The following DENND11 variants were observed in gnomAD, a reference collection of about 807,000 sequenced individuals.
DENND11 encodes the protein DENN domain-containing protein 11.
In DENND11, 34 loss-of-function variants were observed where a neutral mutation model predicts 49.2. The ratio of observed to expected loss-of-function variants is 0.69; its 90% confidence interval spans 0.53 to 0.92. DENND11 has a LOEUF of 0.92. Ranked by LOEUF, DENND11 falls within the 40% of genes least tolerant of loss-of-function variation. The pLI is 0.00. For missense variants in DENND11, 475 were observed against 581.6 expected, an observed-to-expected ratio of 0.82 and a Z score of 1.88; for synonymous variants, 238 against 230.3, an observed-to-expected ratio of 1.03 and a Z score of -0.30.
At chr7:141,689,133 AT>A (rs1404268149) in intron 1 of DENND11, among the ~76,000 whole-genome samples, 1 of 152,234 alleles carries the variant, frequency 6.6e-6, no homozygotes, top group Non-Finnish European at 1.5e-5. Flanking sequence ...GAAGTATAGC[AT>A]AAGTATAGAA....
intron 1 of DENND11, among the ~76,000 whole-genome samples, chr7:141,701,047 A>G (rs1798502892): frequency 6.6e-6 from 1 of 152,020 alleles, no homozygotes; most frequent in South Asian, 2.1e-4. Context: ...AGAAGTCCCT[A>G]GCTGACCCTC....
Position 141,664,982 on chromosome 7 carries a change from G to C in DENND11, c.1025C>G (p.Thr342Arg). The C allele has an allele frequency of 6.2e-7, 1 of 1,613,860 alleles. No homozygotes were observed. Among genetic ancestry groups the C allele is most frequent in the Non-Finnish European group, 8.5e-7 (1 of 1,179,840 alleles). Residue 342 changes from threonine (T) to arginine (R), a missense_variant, in exon 7 of 9, where the codon ACA becomes AGA. By Grantham distance (71) the Thr-to-Arg change is moderately conservative. Coordinates refer to ENST00000536163, the MANE Select transcript of DENND11 (RefSeq NM_001080392.2). ...DVYVDNQNVK[T>R]HHDHLQPLLK... ...CAGCGGCTGCAGGTGGTCGTGGTGT[G>C]TCTTCACATTCTGGTTATCCACGTA...
chr7:141,685,390 C>T, intron 3 of DENND11, 88 bp downstream of exon 3: 1 of 1,471,200 alleles, frequency 6.8e-7, no homozygotes, highest in Non-Finnish European at 9.3e-7. Context: ...GCTGCTCTGG[C>T]ACGCAAATGC....
In DENND11 at chr7:141,662,607, G is replaced by A. The variant is rs763302760; in HGVS notation, c.*49C>T. ...CCTCTGGGGCCCTGGGGTGAACTCC[G>A]GGCTGCTGACATCCCACGTGAAGTG... On this transcript the variant is annotated 3_prime_UTR_variant, in exon 9 of 9. Transcript: ENST00000536163. 89 of 1,419,852 alleles carry A rather than the reference G, an allele frequency of 6.3e-5. No individual in the cohort carries two copies. The highest frequency in any genetic ancestry group is 2.2e-4 in the South Asian group (15 of 66,680). The allele number at this position is 1,419,852 out of a possible 1,614,324, so 88.0% of individuals were successfully genotyped here.
At chr7:141,696,100 G>A (rs1218285660) in intron 1 of DENND11, among the ~76,000 whole-genome samples, 3 of 152,166 alleles carry the variant, frequency 2.0e-5, no homozygotes, top group Non-Finnish European at 4.4e-5. Context: ...GGTCAGTGTC[G>A]CGCCTGGCTG....
At chr7:141,692,914 G>A (rs1197398442) in intron 1 of DENND11, among the ~76,000 whole-genome samples, 1 of 152,150 alleles carries the variant, frequency 6.6e-6, no homozygotes, top group African/African-American at 2.4e-5. Context: ...ATTTCTAGAA[G>A]ATAACACAGG....
intron 1 of DENND11, among the ~76,000 whole-genome samples, chr7:141,698,701 G>C (rs1329885504): frequency 2.0e-5 from 3 of 152,110 alleles, no homozygotes; most frequent in Non-Finnish European, 4.4e-5. Context: ...ACACCTTAGA[G>C]AATCACTGCA....
At chr7:141,697,606 A>G (rs1288407348) in intron 1 of DENND11, among the ~76,000 whole-genome samples, 8 of 152,122 alleles carry the variant, frequency 5.3e-5, no homozygotes, top group Non-Finnish European at 1.2e-4. Flanking sequence ...TTCCATTCAC[A>G]TTCTACTTTG....
intron 3 of DENND11, among the ~76,000 whole-genome samples, chr7:141,682,188 G>A (rs1365030580): frequency 6.6e-6 from 1 of 152,166 alleles, no homozygotes; most frequent in East Asian, 1.9e-4. Context: ...GCACTACAGA[G>A]AAATCCTAGA....
intron 2 of DENND11, 127 bp downstream of exon 2, chr7:141,686,432 A>G: frequency 1.5e-6 from 1 of 647,042 alleles, no homozygotes; most frequent in Non-Finnish European, 2.8e-6. Context: ...ACACAAAACT[A>G]TCCATGTATT....
intron 1 of DENND11, among the ~76,000 whole-genome samples, chr7:141,693,280 G>T (rs1482376686): frequency 1.3e-5 from 2 of 152,118 alleles, no homozygotes; most frequent in Non-Finnish European, 2.9e-5. Flanking sequence ...TGCTCATTAC[G>T]CAATTGCAAA....
At chr7:141,700,984 T>A (rs564021740) in intron 1 of DENND11, among the ~76,000 whole-genome samples, 13 of 152,174 alleles carry the variant, frequency 8.5e-5, no homozygotes, top group African/African-American at 2.9e-4. Context: ...CCACGACTCC[T>A]GCGATGACAC....
chr7:141,689,299 G>A (rs1479865213), intron 1 of DENND11, among the ~76,000 whole-genome samples: 1 of 152,166 alleles, frequency 6.6e-6, no homozygotes, highest in Admixed American at 6.6e-5. Flanking sequence ...CATGTCCTTT[G>A]CAGGGACATG....
chr7:141,672,122 G>T (rs149414349), intron 4 of DENND11, among the ~76,000 whole-genome samples: 1 of 152,194 alleles, frequency 6.6e-6, no homozygotes, highest in African/African-American at 2.4e-5. Flanking sequence ...GATGCGCAGT[G>T]CCTCCCTCAG....
chr7:141,673,987 T>C, intron 4 of DENND11, 80 bp downstream of exon 4: 1 of 1,472,218 alleles, frequency 6.8e-7, no homozygotes, highest in Non-Finnish European at 9.2e-7. Context: ...ATAAATTTTT[T>C]ATTCATTAAA....
intron 1 of DENND11, among the ~76,000 whole-genome samples, chr7:141,690,906 C>G (rs896930536): frequency 3.9e-5 from 6 of 151,990 alleles, no homozygotes; most frequent in Non-Finnish European, 5.9e-5. Context: ...CCCAAATTAT[C>G]TTTTTTAAAG....
At chr7:141,688,417 C>CG (rs1468692657) in intron 1 of DENND11, among the ~76,000 whole-genome samples, 2 of 152,206 alleles carry the variant, frequency 1.3e-5, no homozygotes, top group Non-Finnish European at 2.9e-5. Context: ...TGTCGAATCT[C>CG]ACACTCAACA....
At chr7:141,691,720 T>A (rs1416514122) in intron 1 of DENND11, among the ~76,000 whole-genome samples, 1 of 152,182 alleles carries the variant, frequency 6.6e-6, no homozygotes, top group Non-Finnish European at 1.5e-5. Context: ...GGCAAGCACA[T>A]TCCTGCTGAC....
intron 1 of DENND11, among the ~76,000 whole-genome samples, chr7:141,695,886 C>G (rs1798404138): frequency 6.6e-6 from 1 of 152,236 alleles, no homozygotes; most frequent in South Asian, 2.1e-4. Context: ...AGGAGGGATT[C>G]ACATGACCAC....
Sources: allele counts gnomAD v4.1 joint callset (sites outside exome capture counted in the v4.1 genomes callset), GRCh38; gene constraint gnomAD v4.1.1; transcripts MANE v1.5; gene names NCBI Gene and HGNC (gene_info 2026-07-23, HGNC 2026-07-21).